SYTL2: variants seen among roughly 807,000 people sequenced by gnomAD.
The protein encoded by SYTL2 is synaptotagmin like 2, also known as synaptotagmin-like protein 2.
SYTL2 carries 165 observed loss-of-function variants against 198.7 expected under a neutral mutation model. The ratio of observed to expected loss-of-function variants is 0.83; its 90% CI spans 0.73 to 0.94. The LOEUF (loss-of-function observed/expected upper bound fraction) is 0.94. Ranked by LOEUF, SYTL2 falls within the 40% of genes least tolerant of loss-of-function variation. The probability of loss-of-function intolerance (pLI) is 0.00; values close to 1 mark genes in which losing one functional copy is unlikely to be tolerated. For synonymous variants in SYTL2, 966 were observed against 917.7 expected, an observed-to-expected ratio of 1.05 and a Z score of -0.95; for missense variants, 2,835 against 2,582.8, an observed-to-expected ratio of 1.10 and a Z score of -2.12.
In SYTL2 at chr11:85,727,483, C is replaced by A; in HGVS notation, c.1875G>T (p.Lys625Asn). The A allele has an allele frequency of 6.5e-7, 1 of 1,536,034 alleles. No individual in the cohort carries two copies. The highest frequency in any genetic ancestry group is 1.2e-5 in the South Asian group (1 of 84,016). The change falls in exon 8 of 20, where the codon AAG (lysine) becomes AAT (asparagine). Residue 625 changes from lysine to asparagine, a missense_variant. By Grantham distance (94) the Lys-to-Asn change is moderately conservative (BLOSUM62 0). Around this residue, in one of 3 missense-constraint regions of SYTL2, gnomAD observed 2,645 missense variants for 2,381.7 expected, o/e 1.11. Coordinates refer to ENST00000359152, the MANE Select transcript of SYTL2 (RefSeq NM_206927.4). ...ATGGTTGCAATATACCTGGGCCTTC[C>A]TTTGGGGTGCCTTTTTGGGACAAAT... ...FMNLSQKGTP[K>N]EGPGILQPFE...
chr11:85,816,674 C>T, the SYTL2 span, among the ~76,000 whole-genome samples: 1 of 152,142 alleles, frequency 6.6e-6, no homozygotes, highest in Admixed American at 6.6e-5. Flanking sequence ...CTTTGGGACG[C>T]TGAAGCAGTA....
chr11:85,727,244 T>C lies in SYTL2; in HGVS notation c.2114A>G (p.Glu705Gly). 2 of 1,535,696 alleles carry C rather than the reference T, an allele frequency of 1.3e-6. No individual in the cohort carries two copies. The highest frequency in any genetic ancestry group is 1.7e-6 in the Non-Finnish European group (2 of 1,146,810). ...ATTCACTTCTGAGTGTCCTCTATTT[T>C]CTTCATGAGCATGAAACTTGGGTTC... Reference protein sequence around the residue: ...EEEPKFHAHEENRGHSEVNFD... With the variant: ...EEEPKFHAHEGNRGHSEVNFD... The change falls in exon 8 of 20, where the codon GAA becomes GGA. Residue 705 changes from glutamate (E) to glycine (G), a missense_variant. By Grantham distance (98) the Glu-to-Gly change is moderately conservative. Around this residue, in one of 3 missense-constraint regions of SYTL2, gnomAD observed 2,645 missense variants for 2,381.7 expected, o/e 1.11. Transcript: ENST00000359152.
the SYTL2 span, among the ~76,000 whole-genome samples, chr11:85,830,989 C>G: frequency 1.3e-5 from 2 of 152,186 alleles, no homozygotes; most frequent in Non-Finnish European, 2.9e-5. Flanking sequence ...GAAGCAGCAC[C>G]TGCTCTTGAT....
At chr11:85,741,250 T>TGAACAAATGAGC (rs1271774561) in intron 4 of SYTL2, among the ~76,000 whole-genome samples, 2 of 152,126 alleles carry the variant, frequency 1.3e-5, no homozygotes, top group Non-Finnish European at 2.9e-5. Flanking sequence ...TAATGAAGCA[T>TGAACAAATGAGC]GAACAAATGA....
At chr11:85,808,466 C>G (rs532672049) in intron 1 of SYTL2, among the ~76,000 whole-genome samples, 14 of 152,030 alleles carry the variant, frequency 9.2e-5, no homozygotes, top group Non-Finnish European at 1.8e-4. Context: ...ATTTTTAAAA[C>G]ATTCTTCATT....
intron 11 of SYTL2, 61 bp from the exon 12 acceptor site, chr11:85,714,568 T>C: frequency 6.3e-7 from 1 of 1,577,446 alleles, no homozygotes; most frequent in South Asian, 1.1e-5. Context: ...CATTAGACAT[T>C]AAGTTGAAAA....
rs1365725547 is a variant in SYTL2, at chr11:85,734,280, T to C, written c.1049A>G (p.His350Arg). 3.1e-6 allele frequency: 5 copies of C among 1,614,182 alleles called. No homozygotes were observed. The highest frequency in any genetic ancestry group is 4.2e-6 in the Non-Finnish European group (5 of 1,180,014). ...DELPQSPGLI[H>R]GREVGEFSVL... ...ACTAAATTCTCCTACTTCCCGACCA[T>C]GGATTAGCCCAGGACTCTGTGGAAG... The change falls in exon 7 of 20, where the codon CAT (histidine) becomes CGT (arginine). Residue 350 changes from histidine (H) to arginine (R), a missense_variant. By Grantham distance (29) the His-to-Arg change is conservative. This residue lies in a region of SYTL2 where 2,645 missense variants were observed against 2,381.7 expected (regional missense o/e 1.11). Transcript: ENST00000359152.
chr11:85,700,558 A>C lies in SYTL2; in HGVS notation c.6225T>G (p.Gly2075=). The C allele has an allele frequency of 6.2e-7, 1 of 1,614,004 alleles. No homozygotes were observed. Among genetic ancestry groups the C allele is most frequent in the Non-Finnish European group, 8.5e-7 (1 of 1,179,936 alleles). The change falls in exon 17 of 20, where the codon GGT becomes GGG. Residue 2075 remains glycine, a synonymous_variant. Coordinates refer to ENST00000359152, the MANE Select transcript of SYTL2 (RefSeq NM_206927.4). The part of the protein sequence containing the change: ...APVALEAENR[G]EMKLALQYVP... ...CATACTGGAGAGCTAGTTTCATTTC[A>C]CCTCTGTTTTCTGCTTCAAGGGCAA...
chr11:85,832,429 A>G, the SYTL2 span, among the ~76,000 whole-genome samples: 1,526 of 152,336 alleles, frequency 0.01, 14 homozygotes, highest in African/African-American at 0.033. Context: ...AATATGCACC[A>G]GGCCCTACGT....
intron 11 of SYTL2, 124 bp from the exon 12 acceptor site, chr11:85,714,631 C>T (rs182629708): frequency 3.8e-5 from 55 of 1,439,006 alleles, no homozygotes; most frequent in Non-Finnish European, 5.0e-5. Context: ...AAGTTAAAGG[C>T]AGAGTAGTCC....
chr11:85,696,882 A>G (rs571271268), intron 18 of SYTL2, among the ~76,000 whole-genome samples: 1 of 152,382 alleles, frequency 6.6e-6, no homozygotes, highest in African/African-American at 2.4e-5. Context: ...TAGAAAAAGA[A>G]GAGAAACCTC....
At chr11:85,717,409 G>A (rs1212268046) in intron 11 of SYTL2, 74 bp downstream of exon 11, 3 of 1,238,630 alleles carry the variant, frequency 2.4e-6, no homozygotes, top group East Asian at 2.3e-5. Context: ...TTATTAATGG[G>A]GTTAGTTATT....
chr11:85,703,855 G>A (rs936754844), intron 16 of SYTL2, among the ~76,000 whole-genome samples: 1 of 152,060 alleles, frequency 6.6e-6, no homozygotes, highest in African/African-American at 2.4e-5. Flanking sequence ...TTCTGAAAGT[G>A]GCAAAAGTTC....
chr11:85,775,548 T>C (rs1221353784), intron 1 of SYTL2, among the ~76,000 whole-genome samples: 5 of 152,144 alleles, frequency 3.3e-5, no homozygotes, highest in African/African-American at 1.2e-4. Flanking sequence ...AGTGGCGCTA[T>C]CTCGGCACAC....
intron 1 of SYTL2, 88 bp from the exon 2 acceptor site, chr11:85,758,202 T>C (rs1591940276): frequency 6.5e-6 from 1 of 153,430 alleles, no homozygotes; most frequent in South Asian, 2.0e-4. Context: ...TAAATGGCCA[T>C]GCGAGATGGT....
intron 2 of SYTL2, among the ~76,000 whole-genome samples, chr11:85,755,655 G>A (rs984355010): frequency 2.0e-5 from 3 of 152,102 alleles, no homozygotes; most frequent in Non-Finnish European, 4.4e-5. Context: ...ATTTTTTGAG[G>A]ATATTTTCAT....
At chr11:85,780,836 G>A (rs186011414) in intron 1 of SYTL2, among the ~76,000 whole-genome samples, 18 of 152,330 alleles carry the variant, frequency 1.2e-4, no homozygotes, top group Admixed American at 9.8e-4. Flanking sequence ...TATTACTTGC[G>A]ATTGGCATCT....
intron 12 of SYTL2, 71 bp downstream of exon 12, chr11:85,714,342 C>T: frequency 1.6e-6 from 2 of 1,277,284 alleles, no homozygotes; most frequent in Non-Finnish European, 2.3e-6. Flanking sequence ...GGAATACAAA[C>T]ACACCAACCT....
the SYTL2 span, among the ~76,000 whole-genome samples, chr11:85,822,952 G>C: frequency 3.9e-5 from 6 of 152,360 alleles, 1 homozygote; most frequent in South Asian, 1.2e-3. Flanking sequence ...AGTGTGAAGA[G>C]AATGGTAAGG....
Sources: allele counts gnomAD v4.1 joint callset (sites outside exome capture counted in the v4.1 genomes callset), GRCh38; gene constraint gnomAD v4.1.1; regional missense constraint gnomAD v4.1.1; transcripts MANE v1.5; gene names NCBI Gene and HGNC (gene_info 2026-07-23, HGNC 2026-07-21).